HPCAL1: variants seen among roughly 807,000 people sequenced by gnomAD.
HPCAL1 encodes hippocalcin-like protein 1.
Under a neutral mutation model 17.1 loss-of-function variants are expected in HPCAL1, and 8 were observed. The ratio of observed to expected loss-of-function variants is 0.47; its 90% confidence interval spans 0.27 to 0.84. HPCAL1 has a LOEUF of 0.84. Ranked by LOEUF, HPCAL1 falls within the 40% of genes least tolerant of loss-of-function variation. The probability of loss-of-function intolerance (pLI) is 0.13; values close to 1 mark genes in which losing one functional copy is unlikely to be tolerated. For missense variants in HPCAL1, 165 were observed against 271.1 expected (o/e 0.61, Z 2.75); for synonymous variants, 112 against 111.4 (o/e 1.01, Z -0.03).
rs933494912 is a variant in HPCAL1 at position 10,363,363 on chromosome 2, G to A, written c.-110-33472G>A. 6.6e-6 allele frequency among the ~76,000 whole-genome samples: 1 copy of A among 152,102 alleles called. No homozygotes were observed. Among genetic ancestry groups the A allele is most frequent in the African/African-American group, 2.4e-5 (1 of 41,412 alleles). On this transcript the variant is annotated intron_variant, in intron 1 of 4. Coordinates refer to ENST00000307845, the MANE Select transcript of HPCAL1 (RefSeq NM_002149.4). This position sits in a 1 kb window ranked among gnomAD's most constrained non-coding sequence, Gnocchi z 4.7. ...TGGGCAGGAGCTGCTGGGGGTGCTGGGCAGACGTTTACCGTCCAGCACCCC... is the reference window on the plus strand; with the variant it reads ...TGGGCAGGAGCTGCTGGGGGTGCTGAGCAGACGTTTACCGTCCAGCACCCC...
intron 2 of HPCAL1, among the ~76,000 whole-genome samples, chr2:10,401,029 G>A (rs888950095): frequency 1.3e-5 from 2 of 152,218 alleles, no homozygotes; most frequent in Non-Finnish European, 2.9e-5. Flanking sequence ...CCAGGCAGAG[G>A]TGGAAGGAAG....
rs1668142769 is a variant in HPCAL1, at chr2:10,384,025, A to ACC, written c.-110-12809_-110-12808insCC. On this transcript the variant is annotated intron_variant, in intron 1 of 4. Coordinates refer to ENST00000307845, the MANE Select transcript of HPCAL1 (RefSeq NM_002149.4). The surrounding 1 kb of genome is among the most constrained non-coding windows in gnomAD (Gnocchi z 4.4). ...ATGCATATACATCGCGTACACACAC[A>ACC]CACCCACACACACACACACCTTTTG... 1.2e-5 allele frequency among the ~76,000 whole-genome samples: 1 copy of ACC among 83,262 alleles called. No individual in the cohort carries two copies. Among genetic ancestry groups the ACC allele is most frequent in the African/African-American group, 6.3e-5 (1 of 15,800 alleles). The allele number at this position is 83,262 out of a possible 152,430, so 54.6% of individuals were successfully genotyped here.
intron 1 of HPCAL1, among the ~76,000 whole-genome samples, chr2:10,375,281 G>GT (rs988535181): frequency 6.6e-6 from 1 of 152,036 alleles, no homozygotes; most frequent in African/African-American, 2.4e-5. Context: ...TTTGTTTTTT[G>GT]TTTTTTCCAC....
intron 1 of HPCAL1, among the ~76,000 whole-genome samples, chr2:10,333,397 G>A (rs2125425590): frequency 6.6e-6 from 1 of 152,272 alleles, no homozygotes; most frequent in East Asian, 1.9e-4. Context: ...AGCAAAGTCA[G>A]GAGGCCATTC....
At chr2:10,418,836 G>A (rs189512174) in intron 2 of HPCAL1, among the ~76,000 whole-genome samples, 1 of 152,214 alleles carries the variant, frequency 6.6e-6, no homozygotes, top group Admixed American at 6.5e-5. Context: ...ATTTTTCCCT[G>A]GTTCCATTCA....
Position 10,394,641 on chromosome 2 carries a change from GTGA to G in HPCAL1, c.-110-2188_-110-2186del, listed in dbSNP as rs1384934340. Among the ~76,000 whole-genome samples, 2 of 152,196 alleles carry G rather than the reference GTGA, an allele frequency of 1.3e-5. No homozygotes were observed. Among genetic ancestry groups the G allele is most frequent in the Admixed American group, 6.5e-5 (1 of 15,290 alleles). Reference sequence around the variant, plus strand: ...CTAACGTGAGCTGCGGACCTGGGGGGTGATGATGGTCAGTGCAGGTCCCTCAGT... The same window carrying G: ...CTAACGTGAGCTGCGGACCTGGGGGGTGATGGTCAGTGCAGGTCCCTCAGT... On this transcript the variant is annotated intron_variant, in intron 1 of 4. Transcript: ENST00000307845. The surrounding 1 kb of genome is among the most constrained non-coding windows in gnomAD (Gnocchi z 5.0).
In HPCAL1 at chr2:10,359,732, C is replaced by T. The variant is rs1382371462; in HGVS notation, c.-110-37103C>T. On this transcript the variant is annotated intron_variant, in intron 1 of 4. Transcript: ENST00000307845. The surrounding 1 kb of genome is among the most constrained non-coding windows in gnomAD (Gnocchi z 4.1). ...GGGCAGTGGCAAGGCCAGGCCAGCA[C>T]CTCTCCACTCTGAGGAAGGGGCCTT... 6.6e-6 allele frequency among the ~76,000 whole-genome samples: 1 copy of T among 152,244 alleles called. No individual in the cohort carries two copies. The highest frequency in any genetic ancestry group is 2.4e-5 in the African/African-American group (1 of 41,464).
At position 10,331,857 on chromosome 2, in the gene HPCAL1, G is replaced by T. The variant is rs1440407153; in HGVS notation, c.-111+28680G>T. Among the ~76,000 whole-genome samples, 1 of 152,114 alleles carries T rather than the reference G, an allele frequency of 6.6e-6. No homozygotes were observed. The highest frequency in any genetic ancestry group is 1.5e-5 in the Non-Finnish European group (1 of 68,040). ...GGTGAGGGTGCCCTTCTTGTCACCC[G>T]TTGTCATTTACGAGACAGCCCTGTG... is the stretch of plus-strand genomic sequence containing the variant. On this transcript the variant is annotated intron_variant, in intron 1 of 4. Coordinates refer to ENST00000307845, the MANE Select transcript of HPCAL1 (RefSeq NM_002149.4). This position sits in a 1 kb window ranked among gnomAD's most constrained non-coding sequence, Gnocchi z 5.0.
intron 3 of HPCAL1, 74 bp downstream of exon 3, chr2:10,420,209 C>G: frequency 5.3e-6 from 3 of 571,268 alleles, no homozygotes; most frequent in Non-Finnish European, 5.2e-6. Context: ...CAGCCCAGGG[C>G]TTTTTTTTTT....
At position 10,352,555 on chromosome 2, in the gene HPCAL1, G is replaced by A. The variant is rs1353356925; in HGVS notation, c.-110-44280G>A. Among the ~76,000 whole-genome samples, 4 of 152,246 alleles carry A rather than the reference G, an allele frequency of 2.6e-5. No homozygotes were observed. The East Asian group carries it at 7.7e-4, about 29-fold the overall frequency. On this transcript the variant is annotated intron_variant, in intron 1 of 4. Coordinates refer to ENST00000307845, the MANE Select transcript of HPCAL1 (RefSeq NM_002149.4). ...TGTGCCATCAGCAGAGGCCATGCAT[G>A]CTGGGGCAAGATCCAGGCCTATCTC...
At chr2:10,328,273 T>C (rs1002471218) in intron 1 of HPCAL1, among the ~76,000 whole-genome samples, 4 of 152,238 alleles carry the variant, frequency 2.6e-5, no homozygotes, top group Non-Finnish European at 4.4e-5. Context: ...AGGATTTACA[T>C]TGGCGCTCAG....
intron 1 of HPCAL1, among the ~76,000 whole-genome samples, chr2:10,393,339 G>A (rs1313579978): frequency 2.0e-5 from 3 of 152,216 alleles, no homozygotes; most frequent in Admixed American, 6.5e-5. Context: ...AGCAGCCTGA[G>A]CGCCAATTCC....
intron 1 of HPCAL1, among the ~76,000 whole-genome samples, chr2:10,372,767 C>T (rs1388198546): frequency 6.6e-6 from 1 of 152,244 alleles, no homozygotes; most frequent in Non-Finnish European, 1.5e-5. Flanking sequence ...ACGGTGACAG[C>T]TGTTCCTGTT....
At chr2:10,415,689 G>A (rs757325407) in intron 2 of HPCAL1, among the ~76,000 whole-genome samples, 17 of 152,098 alleles carry the variant, frequency 1.1e-4, no homozygotes, top group Non-Finnish European at 1.8e-4. Context: ...TGATCATCAC[G>A]ACCACCCTGC....
chr2:10,315,225 G>C (rs1485240915), intron 1 of HPCAL1, among the ~76,000 whole-genome samples: 1 of 151,960 alleles, frequency 6.6e-6, no homozygotes, highest in Non-Finnish European at 1.5e-5. Flanking sequence ...CCCAGGAGGT[G>C]GAGCTTGCAG....
chr2:10,347,592 C>T (rs958174557), intron 1 of HPCAL1, among the ~76,000 whole-genome samples: 2 of 152,162 alleles, frequency 1.3e-5, no homozygotes, highest in Admixed American at 1.3e-4. Flanking sequence ...CCTCAGCACC[C>T]ACCCTGCTTT....
rs1290366175 is a variant in HPCAL1 at position 10,377,866 on chromosome 2, C to T, written c.-110-18969C>T. Among the ~76,000 whole-genome samples the T allele has an allele frequency of 6.6e-6, 1 of 152,142 alleles. No individual in the cohort carries two copies. The highest frequency in any genetic ancestry group is 1.5e-5 in the Non-Finnish European group (1 of 68,028). On this transcript the variant is annotated intron_variant, in intron 1 of 4. Coordinates refer to ENST00000307845, the MANE Select transcript of HPCAL1 (RefSeq NM_002149.4). The surrounding 1 kb of genome is among the most constrained non-coding windows in gnomAD (Gnocchi z 5.9). ...CACGGGGGAGGGTATTCAAGGGCGG[C>T]AAGCCACCAAGGGGACGGGGCAGGC... is the stretch of plus-strand genomic sequence containing the variant.
At chr2:10,385,075 G>A (rs1299493882) in intron 1 of HPCAL1, among the ~76,000 whole-genome samples, 4 of 150,574 alleles carry the variant, frequency 2.7e-5, no homozygotes, top group African/African-American at 7.4e-5. Context: ...AGCCAGCCTG[G>A]CGATAGAGCA....
At chr2:10,375,433 T>TGC (rs1667495299) in intron 1 of HPCAL1, among the ~76,000 whole-genome samples, 1 of 152,130 alleles carries the variant, frequency 6.6e-6, no homozygotes, top group Admixed American at 6.5e-5. Context: ...CAGCTCCCTG[T>TGC]GCATCAGAGC....
Sources: gnomAD v4.1 joint callset for allele counts (sites outside exome capture counted in the v4.1 genomes callset) on GRCh38, gnomAD v4.1.1 for gene constraint, Gnocchi (gnomAD v3.1) non-coding constraint, MANE v1.5 for transcripts, NCBI Gene and HGNC (gene_info 2026-07-23, HGNC 2026-07-21) for gene names.